MATN2: variants seen among roughly 807,000 people sequenced by gnomAD.
MATN2 encodes matrilin 2.
A neutral mutation model predicts 103.2 loss-of-function variants in MATN2; 69 were observed. The observed-to-expected ratio is 0.67, with a 90% CI of 0.55 to 0.82. The LOEUF (loss-of-function observed/expected upper bound fraction) is 0.82, where lower values mean the gene tolerates loss of function less well. Among genes scored for constraint, MATN2 ranks in the 40% least tolerant of loss-of-function variants. The pLI is 0.00. For missense variants in MATN2, 1,023 were observed against 1,211.5 expected (o/e 0.84, Z 2.31); for synonymous variants, 429 against 450.2 (o/e 0.95, Z 0.60).
At chr8:98,008,383 A>C (rs147970217) in intron 10 of MATN2, among the ~76,000 whole-genome samples, 3 of 152,300 alleles carry the variant, frequency 2.0e-5, no homozygotes, top group African/African-American at 7.2e-5. Context: ...ATGAAAGAAA[A>C]GGACCACCAT....
chr8:97,889,474 TATATATATA>T (rs1563647865), intron 2 of MATN2, among the ~76,000 whole-genome samples: 2 of 141,722 alleles, frequency 1.4e-5, no homozygotes, highest in Non-Finnish European at 3.1e-5. Flanking sequence ...TATATATATA[TATATATATA>T]TATATAAAAC....
At chr8:97,904,701 A>G (rs1819104514) in intron 2 of MATN2, among the ~76,000 whole-genome samples, 1 of 152,186 alleles carries the variant, frequency 6.6e-6, no homozygotes, top group African/African-American at 2.4e-5. Flanking sequence ...AGATAAGGAA[A>G]GGCCAATCAG....
intron 6 of MATN2, among the ~76,000 whole-genome samples, chr8:97,990,933 C>T (rs1166791134): frequency 2.0e-5 from 3 of 151,964 alleles, no homozygotes; most frequent in African/African-American, 7.3e-5. Context: ...TTGATTGTGG[C>T]GATGGTTTCA....
In MATN2 at chr8:98,036,261, T is replaced by C. The variant is rs889605115; in HGVS notation, c.*549T>C. On this transcript the variant is annotated 3_prime_UTR_variant, in exon 19 of 19. Transcript: ENST00000254898. ...TTAGTTTAACTTTAAATGGAAGATA[T>C]GTATGTATGAGAAATGGCCAACATG... The C allele has an allele frequency of 6.6e-6, 1 of 152,240 alleles. No homozygotes were observed. The highest frequency in any genetic ancestry group is 2.4e-5 in the African/African-American group (1 of 41,456). The allele number at this position is 152,240 out of a possible 1,614,324, so 9.4% of individuals were successfully genotyped here.
At chr8:97,911,174 G>T (rs1271810035) in intron 2 of MATN2, among the ~76,000 whole-genome samples, 3 of 146,504 alleles carry the variant, frequency 2.0e-5, no homozygotes, top group Non-Finnish European at 4.6e-5. Context: ...TGTATTTTCG[G>T]TAGAGACGGG....
intron 1 of MATN2, among the ~76,000 whole-genome samples, chr8:97,872,952 C>A (rs939041721): frequency 1.3e-5 from 2 of 152,148 alleles, no homozygotes; most frequent in Non-Finnish European, 2.9e-5. Flanking sequence ...AGCTACCACA[C>A]CTGGCTAATT....
In MATN2 at chr8:98,027,666, C is replaced by T. The variant is rs747582240; in HGVS notation, c.2193C>T (p.Gly731=). 6.2e-7 allele frequency: 1 copy of T among 1,613,796 alleles called. No homozygotes were observed. Among genetic ancestry groups the T allele is most frequent in the South Asian group, 1.1e-5 (1 of 91,080 alleles). ...AVAHMKYMGK[G]SMTGLALKHM... is the part of the protein sequence containing the mutation. ...CCCACATGAAATACATGGGAAAGGG[C>T]TCTATGACTGGGCTGGCCCTGAAAC... Residue 731 remains glycine (G), a synonymous_variant, in exon 14 of 19, where the codon GGC becomes GGT. Coordinates refer to ENST00000254898, the MANE Select transcript of MATN2 (RefSeq NM_002380.5).
chr8:97,874,346 A>G (rs1399597404), intron 1 of MATN2, among the ~76,000 whole-genome samples: 1 of 151,278 alleles, frequency 6.6e-6, no homozygotes, highest in Non-Finnish European at 1.5e-5. Flanking sequence ...GTCAGGCTGC[A>G]TCCTTCTCTC....
chr8:97,915,953 G>A (rs1219234894), intron 2 of MATN2, among the ~76,000 whole-genome samples: 2 of 151,890 alleles, frequency 1.3e-5, no homozygotes, highest in Non-Finnish European at 2.9e-5. Context: ...GATAGTGAGG[G>A]GGTTTGATAG....
chr8:98,007,213 T>C lies in MATN2; in HGVS notation c.1436T>C (p.Leu479Pro). 6.2e-7 allele frequency: 1 copy of C among 1,613,928 alleles called. No homozygotes were observed. The part of the protein sequence containing the change: ...CSEGFLINED[L>P]KTCSRVDYCL... ...GAAGGCTTCCTCATCAACGAGGACC[T>C]CAAGACCTGCTCCCGTGAGTCCCTC... The change falls in exon 9 of 19, where the codon CTC becomes CCC. Residue 479 changes from leucine (L) to proline (P), a missense_variant. Transcript: ENST00000254898. This position sits in a 1 kb window ranked among gnomAD's most constrained non-coding sequence, Gnocchi z 4.2.
At chr8:98,011,764 C>T (rs1000061800) in intron 10 of MATN2, among the ~76,000 whole-genome samples, 1 of 152,090 alleles carries the variant, frequency 6.6e-6, no homozygotes, top group Non-Finnish European at 1.5e-5. Context: ...TATGTGGAGC[C>T]CCAGACGCAG....
intron 3 of MATN2, among the ~76,000 whole-genome samples, chr8:97,932,552 G>T (rs1263082568): frequency 6.6e-6 from 1 of 152,110 alleles, no homozygotes; most frequent in Non-Finnish European, 1.5e-5. Context: ...TTTTCACAGG[G>T]CTTCTCTCTC....
chr8:97,879,311 T>G (rs898906014), intron 1 of MATN2, among the ~76,000 whole-genome samples: 1 of 152,170 alleles, frequency 6.6e-6, no homozygotes, highest in Admixed American at 6.5e-5. Flanking sequence ...GACAAGAGTC[T>G]GAGTTCTTCA....
intron 5 of MATN2, among the ~76,000 whole-genome samples, chr8:97,964,436 G>A (rs2444872): frequency 0.02 from 3,030 of 151,370 alleles, 50 homozygotes; most frequent in Non-Finnish European, 0.028. Flanking sequence ...TTTATGCCCT[G>A]TTGGCCCAAT....
At chr8:97,977,267 A>C (rs1037217001) in intron 5 of MATN2, among the ~76,000 whole-genome samples, 10 of 129,162 alleles carry the variant, frequency 7.7e-5, no homozygotes, top group Admixed American at 6.3e-4. Flanking sequence ...AAAAAAAAAG[A>C]CAAGAAATTT....
At chr8:98,033,439 A>G in intron 17 of MATN2, 122 bp from the exon 18 acceptor site, 3 of 660,606 alleles carry the variant, frequency 4.5e-6, no homozygotes, top group Non-Finnish European at 7.7e-6. Context: ...ATCTGGCTGC[A>G]TGGAAAAAGT....
intron 1 of MATN2, among the ~76,000 whole-genome samples, chr8:97,877,910 G>A (rs1283744730): frequency 6.6e-6 from 1 of 152,162 alleles, no homozygotes; most frequent in African/African-American, 2.4e-5. Flanking sequence ...CATGCCCTGT[G>A]CCTGGTTGCT....
chr8:98,013,709 T>C (rs1320293485), intron 10 of MATN2, among the ~76,000 whole-genome samples: 1 of 152,238 alleles, frequency 6.6e-6, no homozygotes, highest in East Asian at 1.9e-4. Context: ...CTTGGAAATA[T>C]TTATCTGCCT....
rs78719741 is a variant in MATN2 at position 98,033,564 on chromosome 8, G to T, written c.2720G>T (p.Ser907Ile). ...KLSHSTKPSG[S>I]PLEEKHDQCK... ...CACTTTCCATCTGCTTTCTCAGGAAGCCCTTTGGAAGAAAAACACGATCAA... is the reference window on the plus strand; with the variant it reads ...CACTTTCCATCTGCTTTCTCAGGAATCCCTTTGGAAGAAAAACACGATCAA... Residue 907 changes from serine (S) to isoleucine (I), a missense_variant, in exon 18 of 19, where the codon AGC becomes ATC. By Grantham distance (142) the Ser-to-Ile change is moderately radical. Transcript: ENST00000254898. 1 of 1,578,746 alleles carries T rather than the reference G, an allele frequency of 6.3e-7. No individual in the cohort carries two copies. Among genetic ancestry groups the T allele is most frequent in the South Asian group, 1.2e-5 (1 of 85,178 alleles).
Sources: gnomAD v4.1 joint callset for allele counts (sites outside exome capture counted in the v4.1 genomes callset) on GRCh38, gnomAD v4.1.1 for gene constraint, Gnocchi (gnomAD v3.1) non-coding constraint, MANE v1.5 for transcripts, NCBI Gene and HGNC (gene_info 2026-07-23, HGNC 2026-07-21) for gene names.